NPSR1: variants seen among roughly 807,000 people sequenced by gnomAD.
The protein encoded by NPSR1 is neuropeptide S receptor.
NPSR1 carries 48 observed loss-of-function variants against 46.9 expected under a neutral mutation model. The ratio of observed to expected loss-of-function variants is 1.02; its 90% CI spans 0.81 to 1.30. The LOEUF (loss-of-function observed/expected upper bound fraction) is 1.30. Ranked by LOEUF, NPSR1 falls within the 50% of genes most tolerant of loss-of-function variation. The pLI, the probability that NPSR1 is intolerant of heterozygous loss-of-function variation, is 0.00. For synonymous variants in NPSR1, 176 were observed against 168.1 expected, an observed-to-expected ratio of 1.05 and a Z score of -0.36; for missense variants, 450 against 449.5, an observed-to-expected ratio of 1.00 and a Z score of -0.01.
intron 3 of NPSR1, among the ~76,000 whole-genome samples, chr7:34,798,292 T>G (rs1788280760): frequency 6.6e-6 from 1 of 152,122 alleles, no homozygotes. Context: ...CCCAGAACTT[T>G]GGGAGGCCGA....
At chr7:34,860,583 T>C (rs1271417799) in intron 8 of NPSR1, among the ~76,000 whole-genome samples, 1 of 151,868 alleles carries the variant, frequency 6.6e-6, no homozygotes, top group African/African-American at 2.4e-5. Flanking sequence ...ATCTTCTGCA[T>C]TCAATCTGTT....
chr7:34,850,501 T>C (rs1326609376), downstream of NPSR1, among the ~76,000 whole-genome samples: 1 of 150,422 alleles, frequency 6.6e-6, no homozygotes, highest in Non-Finnish European at 1.5e-5. Context: ...CCCGGGTTCA[T>C]GCCATTCTCC....
At chr7:34,803,241 C>G (rs1490629994) in intron 3 of NPSR1, among the ~76,000 whole-genome samples, 1 of 151,906 alleles carries the variant, frequency 6.6e-6, no homozygotes, top group South Asian at 2.1e-4. Context: ...GACTATAAAT[C>G]ATGCTGCTAT....
chr7:34,687,603 G>A (rs1372426397), intron 2 of NPSR1, among the ~76,000 whole-genome samples: 1 of 152,142 alleles, frequency 6.6e-6, no homozygotes, highest in Non-Finnish European at 1.5e-5. Context: ...AACAGCATAG[G>A]GAAACCGCCC....
chr7:34,663,212 G>A (rs11770777), intron 1 of NPSR1, among the ~76,000 whole-genome samples: 11 of 151,714 alleles, frequency 7.3e-5, no homozygotes, highest in Non-Finnish European at 1.5e-4. Flanking sequence ...GGTCATCCTC[G>A]TTCTGGACTT....
chr7:34,680,941 T>G (rs11769589), intron 1 of NPSR1, among the ~76,000 whole-genome samples: 57,848 of 124,408 alleles, frequency 0.46, 11,753 homozygotes, highest in African/African-American at 0.62. Flanking sequence ...TTGATAAAGG[T>G]TTTTTTTTTT....
chr7:34,693,506 C>A (rs1011778932), intron 2 of NPSR1, among the ~76,000 whole-genome samples: 1 of 152,038 alleles, frequency 6.6e-6, no homozygotes, highest in Non-Finnish European at 1.5e-5. Flanking sequence ...AATAAAAAAT[C>A]TTCCAACAAA....
intron 2 of NPSR1, among the ~76,000 whole-genome samples, chr7:34,748,695 G>A (rs1785346396): frequency 6.6e-6 from 1 of 152,118 alleles, no homozygotes; most frequent in African/African-American, 2.4e-5. Context: ...GTTTACAACT[G>A]AGAACTCTTT....
chr7:34,784,299 A>C (rs1787362405), intron 3 of NPSR1, among the ~76,000 whole-genome samples: 1 of 152,166 alleles, frequency 6.6e-6, no homozygotes, highest in Non-Finnish European at 1.5e-5. Flanking sequence ...TTGCCCATTC[A>C]GTATGATATT....
At chr7:34,693,788 A>C (rs1793379586) in intron 2 of NPSR1, among the ~76,000 whole-genome samples, 1 of 152,222 alleles carries the variant, frequency 6.6e-6, no homozygotes, top group Admixed American at 6.5e-5. Context: ...GCATGTTAAA[A>C]AGATAATACA....
chr7:34,852,245 A>C (rs2128766158), downstream of NPSR1, among the ~76,000 whole-genome samples: 1 of 152,226 alleles, frequency 6.6e-6, no homozygotes, highest in Non-Finnish European at 1.5e-5. Flanking sequence ...GCTTGCAGTG[A>C]GCCGAGATCA....
intron 3 of NPSR1, among the ~76,000 whole-genome samples, chr7:34,790,955 ATATGTTATATTATATATGTTATATG>A: frequency 1.2e-5 from 1 of 83,576 alleles, no homozygotes; most frequent in Non-Finnish European, 2.8e-5. Context: ...CATATATGTT[ATATGTTATATTATATATGTTATATG>A]TTATATTATA....
intron 1 of NPSR1, among the ~76,000 whole-genome samples, chr7:34,662,014 A>G (rs913223377): frequency 5.9e-5 from 9 of 152,214 alleles, no homozygotes; most frequent in African/African-American, 2.2e-4. Flanking sequence ...ATTCACCAGC[A>G]ATGTTTCCTG....
At chr7:34,730,741 C>T (rs1189461464) in intron 2 of NPSR1, among the ~76,000 whole-genome samples, 1 of 152,178 alleles carries the variant, frequency 6.6e-6, no homozygotes. Context: ...TAGCAACTAT[C>T]ACTCTGTGAC....
chr7:34,868,833 A>G (rs1326826235), intron 8 of NPSR1, among the ~76,000 whole-genome samples: 1 of 151,468 alleles, frequency 6.6e-6, no homozygotes, highest in Non-Finnish European at 1.5e-5. Context: ...CCCTCTGACA[A>G]AATATAACAC....
At chr7:34,804,746 T>A (rs1788605193) in intron 3 of NPSR1, among the ~76,000 whole-genome samples, 2 of 151,974 alleles carry the variant, frequency 1.3e-5, no homozygotes, top group South Asian at 4.1e-4. Flanking sequence ...TCTTTGTTAA[T>A]AAATTTGTAA....
Position 34,848,670 on chromosome 7 carries a change from G to A in NPSR1, c.1025+7G>A. 6.2e-7 allele frequency: 1 copy of A among 1,612,634 alleles called. No homozygotes were observed. On this transcript the variant is annotated splice_region_variant and intron_variant, in intron 8 of 8. Transcript: ENST00000360581. Reference sequence around the variant, plus strand: ...CCATCTCTTTCCCCTGCAGGTAAGGGGAGCTCTTGCATGGGTCAGACACAC... The same window carrying A: ...CCATCTCTTTCCCCTGCAGGTAAGGAGAGCTCTTGCATGGGTCAGACACAC...
chr7:34,663,061 C>G (rs1262951004), intron 1 of NPSR1, among the ~76,000 whole-genome samples: 6 of 94,044 alleles, frequency 6.4e-5, no homozygotes, highest in African/African-American at 4.3e-4. Flanking sequence ...CTCTCTCTCT[C>G]TCTCTCTGTG....
intron 8 of NPSR1, among the ~76,000 whole-genome samples, chr7:34,858,410 C>T (rs1791099497): frequency 6.6e-6 from 1 of 151,626 alleles, no homozygotes. Context: ...ACTTTAAAAA[C>T]ATAATATAAA....
Sources: gnomAD v4.1 joint callset for allele counts (sites outside exome capture counted in the v4.1 genomes callset) on GRCh38, gnomAD v4.1.1 for gene constraint, MANE v1.5 for transcripts, NCBI Gene and HGNC (gene_info 2026-07-23, HGNC 2026-07-21) for gene names.